Variants in IKZF2 observed in about 807,000 individuals in gnomAD.
The protein encoded by IKZF2 is IKAROS family zinc finger 2, also known as zinc finger protein Helios.
A neutral mutation model predicts 49.2 loss-of-function variants in IKZF2; 15 were observed. The observed-to-expected ratio is 0.30, with a 90% CI of 0.20 to 0.47. The LOEUF is 0.47. Among genes scored for constraint, IKZF2 ranks in the 20% least tolerant of loss-of-function variants. The pLI, the probability that IKZF2 is intolerant of heterozygous loss-of-function variation, is 1.00. For synonymous variants in IKZF2, 227 were observed against 221.4 expected, an observed-to-expected ratio of 1.03 and a Z score of -0.23; for missense variants, 567 against 664.6, an observed-to-expected ratio of 0.85 and a Z score of 1.61.
At chr2:213,122,634 ACT>A (rs2060096982) in intron 4 of IKZF2, among the ~76,000 whole-genome samples, 1 of 152,140 alleles carries the variant, frequency 6.6e-6, no homozygotes. Flanking sequence ...TTGCTGAAAC[ACT>A]CTTACCAAAT....
intron 7 of IKZF2, among the ~76,000 whole-genome samples, chr2:213,017,752 T>A (rs1696772640): frequency 1.3e-5 from 2 of 152,220 alleles, no homozygotes; most frequent in South Asian, 4.1e-4. Flanking sequence ...TCTTGGATGT[T>A]CTGCTGATTT....
At chr2:213,029,100 C>G (rs1698131062) in intron 6 of IKZF2, among the ~76,000 whole-genome samples, 1 of 151,992 alleles carries the variant, frequency 6.6e-6, no homozygotes, top group African/African-American at 2.4e-5. Context: ...GCATCTGCAT[C>G]ATGAAGAATA....
Position 213,013,783 on chromosome 2 carries a change from A to T in IKZF2, c.856+8T>A. 6.2e-7 allele frequency: 1 copy of T among 1,603,640 alleles called. No individual in the cohort carries two copies. The highest frequency in any genetic ancestry group is 8.5e-7 in the Non-Finnish European group (1 of 1,175,142). ...TTGCAAAGAAACAAAAGCATTTGTA[A>T]TGCTTACCCACAAACTTTTGTGGAG... On this transcript the variant is annotated splice_region_variant and intron_variant, in intron 8 of 8. Coordinates refer to ENST00000434687, the MANE Select transcript of IKZF2 (RefSeq NM_001387220.1).
At chr2:213,102,782 T>C (rs1292038640) in intron 4 of IKZF2, among the ~76,000 whole-genome samples, 7 of 152,086 alleles carry the variant, frequency 4.6e-5, no homozygotes, top group Admixed American at 3.9e-4. Context: ...CCAGAAAATT[T>C]TTTTAAAAAG....
chr2:213,133,867 A>G (rs1334302145), intron 4 of IKZF2, among the ~76,000 whole-genome samples: 1 of 152,152 alleles, frequency 6.6e-6, no homozygotes, highest in African/African-American at 2.4e-5. Context: ...CATTTTGAAA[A>G]AAGTACCTTA....
intron 4 of IKZF2, among the ~76,000 whole-genome samples, chr2:213,146,761 G>GGGGC (rs1553604947): frequency 1.5e-5 from 2 of 135,344 alleles, no homozygotes; most frequent in African/African-American, 2.7e-5. Context: ...TAAATCTTCG[G>GGGGC]GGGGGGGGAA....
intron 4 of IKZF2, among the ~76,000 whole-genome samples, chr2:213,145,594 T>C (rs530938307): frequency 3.3e-5 from 5 of 152,020 alleles, no homozygotes; most frequent in South Asian, 2.1e-4. Flanking sequence ...TCTATCACTA[T>C]TTGCTTTGGC....
At chr2:213,079,107 G>A (rs1703608463) in intron 4 of IKZF2, among the ~76,000 whole-genome samples, 1 of 152,084 alleles carries the variant, frequency 6.6e-6, no homozygotes, top group Admixed American at 6.5e-5. Context: ...GTCTTGGTTG[G>A]GTGTCATGGC....
chr2:213,064,605 T>C (rs759868647), intron 4 of IKZF2, among the ~76,000 whole-genome samples: 3 of 152,034 alleles, frequency 2.0e-5, no homozygotes, highest in Non-Finnish European at 4.4e-5. Flanking sequence ...ATGAGAATTA[T>C]ACAATGCAGA....
chr2:213,085,024 T>C (rs776186385), intron 4 of IKZF2, among the ~76,000 whole-genome samples: 1 of 152,222 alleles, frequency 6.6e-6, no homozygotes, highest in Non-Finnish European at 1.5e-5. Flanking sequence ...CTGTACGCTA[T>C]GACCCAAGAA....
chr2:213,036,556 A>G (rs1699047156), intron 6 of IKZF2, among the ~76,000 whole-genome samples: 1 of 152,182 alleles, frequency 6.6e-6, no homozygotes, highest in Non-Finnish European at 1.5e-5. Flanking sequence ...CATTCAATCA[A>G]TATGGTATAT....
chr2:213,094,859 T>C (rs903997583), intron 4 of IKZF2, among the ~76,000 whole-genome samples: 1 of 152,036 alleles, frequency 6.6e-6, no homozygotes, highest in Non-Finnish European at 1.5e-5. Flanking sequence ...GATGACAGAC[T>C]AGGAGAAGCC....
intron 4 of IKZF2, among the ~76,000 whole-genome samples, chr2:213,141,512 C>A (rs1276003249): frequency 2.6e-5 from 4 of 151,968 alleles, no homozygotes; most frequent in Non-Finnish European, 5.9e-5. Context: ...TCTAGAAATA[C>A]CAATCTGCTT....
Position 213,007,506 on chromosome 2 carries a change from G to A in IKZF2, c.1435C>T (p.Leu479Phe). 1 of 1,613,694 alleles carries A rather than the reference G, an allele frequency of 6.2e-7. No individual in the cohort carries two copies. Among genetic ancestry groups the A allele is most frequent in the East Asian group, 2.2e-5 (1 of 44,856 alleles). ...GTGTACATGACATGGTCTAGGAAAAGGACTCGGCAGTGCTCACACTTGAAG... is the reference window on the plus strand; with the variant it reads ...GTGTACATGACATGGTCTAGGAAAAAGACTCGGCAGTGCTCACACTTGAAG... ...RAFKCEHCRV[L>F]FLDHVMYTIH... Residue 479 changes from leucine (L) to phenylalanine (F), a missense_variant, in exon 9 of 9, where the codon CTT (leucine) becomes TTT (phenylalanine). By Grantham distance (22) the Leu-to-Phe change is conservative. Coordinates refer to ENST00000434687, the MANE Select transcript of IKZF2 (RefSeq NM_001387220.1).
intron 6 of IKZF2, among the ~76,000 whole-genome samples, chr2:213,024,615 T>A (rs1393305616): frequency 1.3e-5 from 2 of 152,214 alleles, no homozygotes; most frequent in Non-Finnish European, 1.5e-5. Flanking sequence ...ATTATATAAT[T>A]GGGGAGTGAG....
intron 7 of IKZF2, 71 bp downstream of exon 7, chr2:213,021,922 G>GTTTTT: frequency 2.0e-6 from 1 of 490,328 alleles, no homozygotes; most frequent in Non-Finnish European, 3.0e-6. Flanking sequence ...AACAGCATAA[G>GTTTTT]ATTTTATCTT....
chr2:213,119,023 AAT>A (rs2059964338), intron 4 of IKZF2, among the ~76,000 whole-genome samples: 1 of 152,192 alleles, frequency 6.6e-6, no homozygotes, highest in South Asian at 2.1e-4. Context: ...CATTTACTTG[AAT>A]TGTTCTATGA....
chr2:213,021,891 A>C (rs1344844294), intron 7 of IKZF2, 102 bp downstream of exon 7: 12 of 1,258,606 alleles, frequency 9.5e-6, no homozygotes, highest in Non-Finnish European at 1.3e-5. Context: ...ATTTAAGTTA[A>C]AGTGATCTAA....
chr2:213,040,475 C>A (rs1311115429), intron 6 of IKZF2, among the ~76,000 whole-genome samples: 1 of 151,934 alleles, frequency 6.6e-6, no homozygotes, highest in Non-Finnish European at 1.5e-5. Context: ...AAATTATACA[C>A]TCTTCTGTTT....
Sources: allele counts gnomAD v4.1 joint callset (sites outside exome capture counted in the v4.1 genomes callset), GRCh38; gene constraint gnomAD v4.1.1; transcripts MANE v1.5; gene names NCBI Gene and HGNC (gene_info 2026-07-23, HGNC 2026-07-21).